SLC24A2: variants seen among roughly 807,000 people sequenced by gnomAD.
The protein encoded by SLC24A2 is sodium/potassium/calcium exchanger 2.
SLC24A2 carries 36 observed loss-of-function variants against 62.0 expected under a neutral mutation model. The ratio of observed to expected loss-of-function variants is 0.58; its 90% CI spans 0.44 to 0.77. The LOEUF (loss-of-function observed/expected upper bound fraction) is 0.77, where lower values mean the gene tolerates loss of function less well. Among genes scored for constraint, SLC24A2 ranks in the 30% least tolerant of loss-of-function variants. The probability of loss-of-function intolerance (pLI) is 0.00; values close to 1 mark genes in which losing one functional copy is unlikely to be tolerated. For missense variants in SLC24A2, 846 were observed against 817.9 expected, an observed-to-expected ratio of 1.03 and a Z score of -0.42; for synonymous variants, 358 against 294.0, an observed-to-expected ratio of 1.22 and a Z score of -2.23.
At chr9:19,785,236 T>C (rs541684318) in intron 2 of SLC24A2, among the ~76,000 whole-genome samples, 12 of 152,360 alleles carry the variant, frequency 7.9e-5, no homozygotes, top group Non-Finnish European at 1.5e-4. Context: ...CCACGATTGT[T>C]ATTAAAACTC....
At chr9:19,622,376 A>G in intron 2 of SLC24A2, 77 bp from the exon 3 acceptor site, 1 of 1,398,212 alleles carries the variant, frequency 7.2e-7, no homozygotes, top group Non-Finnish European at 1.0e-6. Context: ...TTTACATTTA[A>G]TAACAAGCAT....
intron 3 of SLC24A2, among the ~76,000 whole-genome samples, chr9:19,620,066 C>A (rs999916000): frequency 6.6e-6 from 1 of 152,146 alleles, no homozygotes; most frequent in African/African-American, 2.4e-5. Context: ...CCAAGTCACA[C>A]TGACAAGAAG....
chr9:19,769,516 T>A lies in SLC24A2; in HGVS notation c.930+16421A>T, dbSNP rs117335406. ...TGGGTATTATCAACATTAATTACTA[T>A]ATTACTTTCATGCCTGCAGACACCA... is the stretch of plus-strand genomic sequence containing the variant. On this transcript the variant is annotated intron_variant, in intron 2 of 10. Coordinates refer to ENST00000341998, the MANE Select transcript of SLC24A2 (RefSeq NM_020344.4). 4.8e-3 allele frequency among the ~76,000 whole-genome samples: 733 copies of A among 152,360 alleles called. 15 individuals carry two copies. The highest frequency in any genetic ancestry group is 0.035 in the South Asian group (170 of 4,826).
intron 2 of SLC24A2, among the ~76,000 whole-genome samples, chr9:19,777,597 T>C (rs1426822012): frequency 6.6e-6 from 1 of 152,166 alleles, no homozygotes; most frequent in Non-Finnish European, 1.5e-5. Context: ...GGCTCCATAA[T>C]AGGCCAAAAA....
intron 2 of SLC24A2, among the ~76,000 whole-genome samples, chr9:19,773,110 G>T (rs1182247537): frequency 6.6e-6 from 1 of 152,154 alleles, no homozygotes; most frequent in Admixed American, 6.5e-5. Context: ...TCCACAATAG[G>T]CAAATCTATA....
At chr9:19,891,732 C>A in the SLC24A2 span, among the ~76,000 whole-genome samples, 2 of 151,956 alleles carry the variant, frequency 1.3e-5, no homozygotes, top group African/African-American at 4.8e-5. Context: ...GGTGACAGAG[C>A]GAGATCCTGT....
At chr9:20,049,403 T>C in the SLC24A2 span, among the ~76,000 whole-genome samples, 1 of 152,136 alleles carries the variant, frequency 6.6e-6, no homozygotes, top group Non-Finnish European at 1.5e-5. Flanking sequence ...CTAAACTAAA[T>C]AGTTTACTAA....
At chr9:20,183,384 C>T in the SLC24A2 span, among the ~76,000 whole-genome samples, 2 of 152,210 alleles carry the variant, frequency 1.3e-5, no homozygotes, top group East Asian at 3.8e-4. Flanking sequence ...GTCCTCAAAA[C>T]TGCTTTCTAC....
At chr9:19,907,056 A>G in the SLC24A2 span, among the ~76,000 whole-genome samples, 3 of 152,242 alleles carry the variant, frequency 2.0e-5, no homozygotes, top group Non-Finnish European at 2.9e-5. Context: ...TCCCTGATGA[A>G]CATCGATGCA....
chr9:19,779,893 A>T (rs1189954643), intron 2 of SLC24A2, among the ~76,000 whole-genome samples: 3 of 117,734 alleles, frequency 2.5e-5, no homozygotes, highest in Non-Finnish European at 5.9e-5. Flanking sequence ...CCCCGTCTCT[A>T]GTAAAAAAAG....
At chr9:19,520,157 A>G (rs180858834) in intron 10 of SLC24A2, among the ~76,000 whole-genome samples, 1 of 152,266 alleles carries the variant, frequency 6.6e-6, no homozygotes, top group East Asian at 1.9e-4. Context: ...GAGGTTCCAA[A>G]CTCAAGTGTT....
the SLC24A2 span, among the ~76,000 whole-genome samples, chr9:20,042,727 C>G: frequency 2.0e-5 from 3 of 151,528 alleles, no homozygotes; most frequent in Non-Finnish European, 4.4e-5. Context: ...GCAACAATAT[C>G]TATGTGCCAT....
chr9:19,832,483 A>C, the SLC24A2 span, among the ~76,000 whole-genome samples: 1 of 152,228 alleles, frequency 6.6e-6, no homozygotes, highest in Non-Finnish European at 1.5e-5. Context: ...GAAAACAAGA[A>C]ATGGGGAAAC....
chr9:19,944,725 A>T, the SLC24A2 span, among the ~76,000 whole-genome samples: 3 of 151,010 alleles, frequency 2.0e-5, no homozygotes, highest in Non-Finnish European at 4.4e-5. Flanking sequence ...TTCCAGTATA[A>T]TGCGCATGCA....
chr9:19,582,917 G>A (rs531325372), intron 5 of SLC24A2, among the ~76,000 whole-genome samples: 132 of 151,682 alleles, frequency 8.7e-4, no homozygotes, highest in African/African-American at 2.9e-3. Context: ...TCCCCACTCC[G>A]CACACCCACC....
At chr9:20,032,899 G>T in the SLC24A2 span, among the ~76,000 whole-genome samples, 1 of 152,088 alleles carries the variant, frequency 6.6e-6, no homozygotes, top group African/African-American at 2.4e-5. Flanking sequence ...CATTCCCAGC[G>T]GCTGACCGAA....
Position 19,507,499 on chromosome 9 carries a change from G to A in SLC24A2, c.*8654C>T, listed in dbSNP as rs1832543773. The A allele has an allele frequency of 2.0e-5, 3 of 152,114 alleles. No homozygotes were observed. Among genetic ancestry groups the A allele is most frequent in the Admixed American group, 2.0e-4 (3 of 15,276 alleles). The allele number at this position is 152,114 out of a possible 1,614,324, so 9.4% of individuals were successfully genotyped here. ...TATTACTATTATTTTTCACACTGAG[G>A]AGACTTAGTTACATAAAGTGATATT... On this transcript the variant is annotated 3_prime_UTR_variant, in exon 11 of 11. Coordinates refer to ENST00000341998, the MANE Select transcript of SLC24A2 (RefSeq NM_020344.4).
chr9:19,733,731 T>A (rs1157123398), intron 2 of SLC24A2, among the ~76,000 whole-genome samples: 1 of 152,218 alleles, frequency 6.6e-6, no homozygotes, highest in African/African-American at 2.4e-5. Context: ...CCTGATTTTC[T>A]CATTCTTAAG....
At chr9:19,612,815 T>C (rs1245849326) in intron 4 of SLC24A2, among the ~76,000 whole-genome samples, 2 of 152,204 alleles carry the variant, frequency 1.3e-5, no homozygotes, top group Non-Finnish European at 2.9e-5. Flanking sequence ...ATTTCAAGTC[T>C]AGCCTGGGCA....
Sources: gnomAD v4.1 joint callset for allele counts (sites outside exome capture counted in the v4.1 genomes callset) on GRCh38, gnomAD v4.1.1 for gene constraint, MANE v1.5 for transcripts, NCBI Gene and HGNC (gene_info 2026-07-23, HGNC 2026-07-21) for gene names.